The following PSPH variants were observed in gnomAD, a reference collection of about 807,000 sequenced individuals.
PSPH encodes phosphoserine phosphatase, also known as L-3-phosphoserine phosphatase.
Under a neutral mutation model 23.4 loss-of-function variants are expected in PSPH, and 16 were observed. The observed-to-expected ratio is 0.68, with a 90% CI of 0.46 to 1.04. PSPH has a LOEUF of 1.04. Ranked by LOEUF, PSPH falls within the 50% of genes least tolerant of loss-of-function variation. The pLI is 0.00. For missense variants in PSPH, 223 were observed against 273.7 expected (o/e 0.81, Z 1.31); for synonymous variants, 68 against 99.7 (o/e 0.68, Z 1.89).
chr7:56,037,706 ATTTTTTTTT>A (rs71015167), intron 1 of PSPH, among the ~76,000 whole-genome samples: 31 of 115,320 alleles, frequency 2.7e-4, no homozygotes, highest in Admixed American at 2.9e-4. Flanking sequence ...AAGCTAACAA[ATTTTTTTTT>A]TTTTTTTTTT....
Position 56,015,012 on chromosome 7 carries a change from T to A in PSPH, c.570+11A>T. 6.2e-7 allele frequency: 1 copy of A among 1,613,240 alleles called. No individual in the cohort carries two copies. Among genetic ancestry groups the A allele is most frequent in the Non-Finnish European group, 8.5e-7 (1 of 1,179,548 alleles). On this transcript the variant is annotated intron_variant, in intron 7 of 7. Coordinates refer to ENST00000275605, the MANE Select transcript of PSPH (RefSeq NM_004577.4). Reference sequence around the variant, plus strand: ...ACAACCTGAAAAAAAATTAGCACCCTTAATACATACAGCAGGAGGACAGGC... The same window carrying A: ...ACAACCTGAAAAAAAATTAGCACCCATAATACATACAGCAGGAGGACAGGC...
intron 1 of PSPH, among the ~76,000 whole-genome samples, chr7:56,044,565 A>C (rs1202165136): frequency 6.6e-6 from 1 of 152,164 alleles, no homozygotes; most frequent in Non-Finnish European, 1.5e-5. Context: ...TTAACAGTGT[A>C]AGAATAATAT....
chr7:56,017,716 C>CTTTT lies in PSPH; in HGVS notation c.276-341_276-338dup, dbSNP rs35860273. On this transcript the variant is annotated intron_variant, in intron 5 of 7. Coordinates refer to ENST00000275605, the MANE Select transcript of PSPH (RefSeq NM_004577.4). ...AGGCACCTGCCACCACACCCAGTTA[C>CTTTT]TTTTTTTTTTTTTTTTTTTGAGATG... Among the ~76,000 whole-genome samples, 81 of 82,386 alleles carry CTTTT rather than the reference C, an allele frequency of 9.8e-4. 4 individuals are homozygous for CTTTT. Among genetic ancestry groups the CTTTT allele is most frequent in the East Asian group, 2.7e-3 (7 of 2,570 alleles). 54.0% of individuals were successfully genotyped at this position (82,386 alleles called of 152,430 possible). A position where few individuals can be genotyped will look rare whatever the true frequency, so the allele number is the denominator to read the frequency against.
chr7:56,024,696 TATGACC>T (rs1354848069), intron 3 of PSPH, among the ~76,000 whole-genome samples: 1 of 151,802 alleles, frequency 6.6e-6, no homozygotes, highest in Non-Finnish European at 1.5e-5. Context: ...TGCAGTGAGC[TATGACC>T]ATGACACTGC....
At chr7:56,026,976 C>T (rs1447367565) in intron 3 of PSPH, among the ~76,000 whole-genome samples, 1 of 151,612 alleles carries the variant, frequency 6.6e-6, no homozygotes, top group Non-Finnish European at 1.5e-5. Flanking sequence ...GAGGCTGAAG[C>T]GGGTGGATCA....
intron 1 of PSPH, among the ~76,000 whole-genome samples, chr7:56,044,417 T>G (rs376223312): frequency 1.3e-3 from 201 of 152,290 alleles, no homozygotes; most frequent in Non-Finnish European, 2.4e-3. Flanking sequence ...AAACGTTACC[T>G]ACTCTGACAA....
chr7:56,034,371 A>G (rs1791443189), intron 1 of PSPH, among the ~76,000 whole-genome samples: 1 of 152,110 alleles, frequency 6.6e-6, no homozygotes. Flanking sequence ...ACCACCACTT[A>G]GGATAAGGAT....
Position 56,015,102 on chromosome 7 carries a change from A to T in PSPH, c.491T>A (p.Leu164His). 1.2e-6 allele frequency: 2 copies of T among 1,614,058 alleles called. No homozygotes were observed. The highest frequency in any genetic ancestry group is 1.7e-6 in the Non-Finnish European group (2 of 1,179,990). ...ESGGKGKVIKLLKEKFHFKKI... is the reference protein window; with the variant it reads ...ESGGKGKVIKHLKEKFHFKKI... ...CTTAAAATGAAATTTTTCCTTTAAA[A>T]GTTTAATCACTTTTCCTTTTCCACC... Residue 164 changes from leucine to histidine, a missense_variant, in exon 7 of 8, where the codon CTT becomes CAT. Coordinates refer to ENST00000275605, the MANE Select transcript of PSPH (RefSeq NM_004577.4).
At chr7:56,026,442 C>CCACTG (rs1790198007) in intron 3 of PSPH, among the ~76,000 whole-genome samples, 2 of 146,592 alleles carry the variant, frequency 1.4e-5, no homozygotes, top group African/African-American at 2.5e-5. Flanking sequence ...CGAGATTGCA[C>CCACTG]CACTGCACTG....
chr7:56,024,761 A>G (rs186814955), intron 3 of PSPH, among the ~76,000 whole-genome samples: 8 of 151,820 alleles, frequency 5.3e-5, no homozygotes, highest in African/African-American at 1.7e-4. Context: ...AGTAATAATA[A>G]TAAATAAAAA....
chr7:56,021,246 A>C lies in PSPH; in HGVS notation c.-19-15T>G. The C allele has an allele frequency of 6.2e-7, 1 of 1,607,764 alleles. No individual in the cohort carries two copies. The highest frequency in any genetic ancestry group is 1.1e-5 in the South Asian group (1 of 90,702). On this transcript the variant is annotated splice_polypyrimidine_tract_variant and intron_variant, in intron 3 of 7. Transcript: ENST00000275605. ...GAATTTTCCTCCTACAAGAAAAAAG[A>C]TAAATGTATTTAAAGACATCAAATA...
intron 3 of PSPH, among the ~76,000 whole-genome samples, chr7:56,025,264 C>T (rs957504895): frequency 6.6e-6 from 1 of 151,818 alleles, no homozygotes; most frequent in Non-Finnish European, 1.5e-5. Context: ...CACATGCACA[C>T]ACATACACAC....
At chr7:56,034,895 TTTTA>T (rs1206690357) in intron 1 of PSPH, among the ~76,000 whole-genome samples, 2 of 150,258 alleles carry the variant, frequency 1.3e-5, no homozygotes, top group South Asian at 2.1e-4. Context: ...TATTTTTAAT[TTTTA>T]TTTATGTTTT....
rs1329488897 is a variant in PSPH, at chr7:56,035,656, G to T, written c.-291-1550C>A. Reference sequence around the variant, plus strand: ...TTCCCCCGAGACTGAGTCTCACTCTGTTGCCCAGGCTGGAGTGCAGTGGTG... The same window carrying T: ...TTCCCCCGAGACTGAGTCTCACTCTTTTGCCCAGGCTGGAGTGCAGTGGTG... On this transcript the variant is annotated intron_variant, in intron 1 of 7. Transcript: ENST00000275605. Among the ~76,000 whole-genome samples the T allele has an allele frequency of 2.6e-5, 4 of 151,734 alleles. No individual in the cohort carries two copies. The East Asian group carries it at 7.9e-4, about 30-fold the overall frequency.
intron 1 of PSPH, among the ~76,000 whole-genome samples, chr7:56,042,425 A>C (rs779936065): frequency 1.6e-4 from 25 of 151,956 alleles, no homozygotes; most frequent in Admixed American, 4.6e-4. Context: ...CCAAAGCAGA[A>C]GGATTGCTTG....
chr7:56,049,855 C>T (rs1027310938), intron 1 of PSPH, among the ~76,000 whole-genome samples: 35 of 151,872 alleles, frequency 2.3e-4, no homozygotes, highest in African/African-American at 8.5e-4. Flanking sequence ...ATTCTCATGC[C>T]TCAGCCTCCC....
rs34727399 is a variant in PSPH at position 56,011,528 on chromosome 7, C to CAAAA, written c.*230_*233dup. Reference sequence around the variant, plus strand: ...TGGGCAACAGAGCAAGATTCTGTCTCAAAAAAAAAAAAAACCTCTCCAGGA... The same window carrying CAAAA: ...TGGGCAACAGAGCAAGATTCTGTCTCAAAAAAAAAAAAAAAAAACCTCTCCAGGA... On this transcript the variant is annotated 3_prime_UTR_variant, in exon 8 of 8. Transcript: ENST00000275605. The CAAAA allele has an allele frequency of 3.1e-5, 7 of 225,822 alleles. No homozygotes were observed. Among genetic ancestry groups the CAAAA allele is most frequent in the South Asian group, 2.0e-4 (4 of 20,302 alleles). The allele number at this position is 225,822 out of a possible 1,614,324, so 14.0% of individuals were successfully genotyped here. A position where few individuals can be genotyped will look rare whatever the true frequency, so the allele number is the denominator to read the frequency against.
At chr7:56,029,080 G>A (rs753131660) in intron 3 of PSPH, among the ~76,000 whole-genome samples, 2 of 152,060 alleles carry the variant, frequency 1.3e-5, no homozygotes, top group Non-Finnish European at 2.9e-5. Context: ...CTCCCAAAGT[G>A]CTGGGATGAC....
At chr7:56,028,423 G>A (rs1790507267) in intron 3 of PSPH, among the ~76,000 whole-genome samples, 1 of 151,968 alleles carries the variant, frequency 6.6e-6, no homozygotes, top group Non-Finnish European at 1.5e-5. Context: ...GTAGAGATGA[G>A]GTCTCACTAT....
Sources: allele counts gnomAD v4.1 joint callset (sites outside exome capture counted in the v4.1 genomes callset), GRCh38; gene constraint gnomAD v4.1.1; transcripts MANE v1.5; gene names NCBI Gene and HGNC (gene_info 2026-07-23, HGNC 2026-07-21).